Variants in SYNRG observed in about 807,000 individuals in gnomAD.
SYNRG encodes the protein AP1 gamma subunit binding protein 1.
Under a neutral mutation model 130.9 loss-of-function variants are expected in SYNRG, and 37 were observed. The ratio of observed to expected loss-of-function variants is 0.28; its 90% CI spans 0.22 to 0.37. The LOEUF is 0.37. SYNRG is among the 10% of genes least tolerant of loss of function. The probability of loss-of-function intolerance (pLI) is 1.00; values close to 1 mark genes in which losing one functional copy is unlikely to be tolerated. For missense variants in SYNRG, 1,338 were observed against 1,588.9 expected (o/e 0.84, Z 2.68); for synonymous variants, 539 against 568.1 (o/e 0.95, Z 0.73).
chr17:37,542,102 A>C lies in SYNRG; in HGVS notation c.3072T>G (p.Phe1024Leu), dbSNP rs755185890. ...QETPNECSDD[F>L]GEFQSEKPKI... ...TGGGCTTTTCACTTTGAAACTCTCC[A>C]AAGTCATCCGAACATTCGTTCGGGG... is the stretch of plus-strand genomic sequence containing the variant. Residue 1024 changes from phenylalanine (F) to leucine (L), a missense_variant, in exon 15 of 22, where the codon TTT (phenylalanine) becomes TTG (leucine). Coordinates refer to ENST00000612223, the MANE Select transcript of SYNRG (RefSeq NM_007247.6). The C allele has an allele frequency of 1.0e-4, 161 of 1,614,064 alleles. 1 individual carries two copies. The highest frequency in any genetic ancestry group is 1.3e-4 in the Non-Finnish European group (150 of 1,180,044).
intron 13 of SYNRG, among the ~76,000 whole-genome samples, chr17:37,554,433 T>C (rs1364890116): frequency 2.6e-5 from 4 of 152,134 alleles, no homozygotes; most frequent in Non-Finnish European, 4.4e-5. Context: ...TAGAGGTTCT[T>C]GAAGAGAGGC....
chr17:37,534,351 T>C (rs2056987131), intron 19 of SYNRG, among the ~76,000 whole-genome samples: 1 of 152,060 alleles, frequency 6.6e-6, no homozygotes, highest in Non-Finnish European at 1.5e-5. Context: ...TATTTTTTTA[T>C]CTATCTATCT....
At chr17:37,524,455 GGGAA>G (rs1472561056) in intron 19 of SYNRG, among the ~76,000 whole-genome samples, 12 of 152,232 alleles carry the variant, frequency 7.9e-5, no homozygotes, top group African/African-American at 2.9e-4. Context: ...ATCACAGCAG[GGGAA>G]GGAAGAACAC....
At chr17:37,528,993 G>A (rs1299689888) in intron 19 of SYNRG, among the ~76,000 whole-genome samples, 1 of 152,210 alleles carries the variant, frequency 6.6e-6, no homozygotes, top group Admixed American at 6.5e-5. Flanking sequence ...TGGTGTTCAG[G>A]TTCAATTTAC....
Position 37,570,872 on chromosome 17 carries a change from G to A in SYNRG, c.1112C>T (p.Ala371Val). The stretch of plus-strand genomic sequence containing the variant: ...CTGGTTTAAAGCATCAGGACTCATT[G>A]CAGGAACGCCCCTCTACAAATGATA... ...MIAVTQRGVP[A>V]MSPDALNQFP... The change falls in exon 10 of 22, where the codon GCA becomes GTA. Residue 371 changes from alanine (A) to valine (V), a missense_variant. Ala to Val is a moderately conservative substitution (Grantham distance 64). Coordinates refer to ENST00000612223, the MANE Select transcript of SYNRG (RefSeq NM_007247.6). 1 of 1,613,680 alleles carries A rather than the reference G, an allele frequency of 6.2e-7. No homozygotes were observed. The highest frequency in any genetic ancestry group is 1.1e-5 in the South Asian group (1 of 91,042).
intron 6 of SYNRG, among the ~76,000 whole-genome samples, chr17:37,580,724 G>A (rs1259695701): frequency 4.6e-5 from 7 of 152,048 alleles, no homozygotes; most frequent in African/African-American, 1.2e-4. Flanking sequence ...TAGTAGAGAC[G>A]GGGTTTCACC....
intron 6 of SYNRG, among the ~76,000 whole-genome samples, chr17:37,580,502 T>A (rs2061223848): frequency 8.4e-6 from 1 of 118,496 alleles, no homozygotes; most frequent in South Asian, 2.6e-4. Context: ...TGTGTGTGTG[T>A]GTGTGTGTGA....
At chr17:37,545,076 G>A (rs936230730) in intron 14 of SYNRG, among the ~76,000 whole-genome samples, 1 of 151,874 alleles carries the variant, frequency 6.6e-6, no homozygotes, top group Non-Finnish European at 1.5e-5. Context: ...AAAATTAGCT[G>A]GGCATGGTGG....
At chr17:37,590,754 C>G (rs12948355) in intron 3 of SYNRG, among the ~76,000 whole-genome samples, 2 of 152,032 alleles carry the variant, frequency 1.3e-5, no homozygotes, top group Admixed American at 6.5e-5. Flanking sequence ...AACCCCATCT[C>G]TACTAAAATA....
In SYNRG at chr17:37,586,623, A is replaced by G. The variant is rs184917486; in HGVS notation, c.241-74T>C. 157 of 1,546,698 alleles carry G rather than the reference A, an allele frequency of 1.0e-4. No homozygotes were observed. In the African/African-American group the frequency reaches 2.0e-3, roughly 19 times the overall value. On this transcript the variant is annotated intron_variant, in intron 3 of 21. Transcript: ENST00000612223. ...TATCACACACAAAAATGTGACTTCC[A>G]TAAATTCTATCTTAATACTCTTATT...
intron 14 of SYNRG, among the ~76,000 whole-genome samples, chr17:37,547,232 A>G (rs2058353881): frequency 6.6e-6 from 1 of 152,216 alleles, no homozygotes; most frequent in Admixed American, 6.5e-5. Context: ...CAAAAAAGAA[A>G]ACTGGAAATC....
intron 4 of SYNRG, 126 bp from the exon 5 acceptor site, chr17:37,585,556 T>C: frequency 1.6e-6 from 1 of 634,600 alleles, no homozygotes; most frequent in Non-Finnish European, 2.7e-6. Context: ...CATTGCTAAA[T>C]ATCTAGTTTT....
intron 13 of SYNRG, chr17:37,557,210 T>C (rs1004953933): frequency 1.3e-5 from 2 of 152,214 alleles, no homozygotes; most frequent in African/African-American, 4.8e-5. Flanking sequence ...TTTGCTAAAA[T>C]TTCAATAAAA....
intron 15 of SYNRG, chr17:37,541,662 T>G (rs2057775266): frequency 2.5e-6 from 1 of 402,866 alleles, no homozygotes; most frequent in Non-Finnish European, 4.4e-6. Context: ...GGAGCTAATG[T>G]GCCTACAAGT....
intron 3 of SYNRG, among the ~76,000 whole-genome samples, chr17:37,593,651 G>A (rs1433514425): frequency 1.3e-5 from 2 of 152,096 alleles, no homozygotes; most frequent in Admixed American, 6.5e-5. Context: ...TCGGGAGGCC[G>A]AGGCAGGCAG....
chr17:37,524,557 G>A (rs1195896345), intron 19 of SYNRG, among the ~76,000 whole-genome samples: 1 of 152,246 alleles, frequency 6.6e-6, no homozygotes, highest in Non-Finnish European at 1.5e-5. Flanking sequence ...AACTTACATG[G>A]CCTTAGCCAA....
chr17:37,543,493 T>C (rs1167906404), intron 14 of SYNRG, among the ~76,000 whole-genome samples: 1 of 152,232 alleles, frequency 6.6e-6, no homozygotes, highest in Non-Finnish European at 1.5e-5. Context: ...ACTATTTGTA[T>C]GACACTAGGC....
rs143835970 is a variant in SYNRG, at chr17:37,590,140, C to G, written c.241-3591G>C. On this transcript the variant is annotated intron_variant, in intron 3 of 21. Coordinates refer to ENST00000612223, the MANE Select transcript of SYNRG (RefSeq NM_007247.6). Reference sequence around the variant, plus strand: ...GAGCTGAGATTGCGCCACATTCCAGCCTGGGCGACAGGGCGAGACTCTGTC... The same window carrying G: ...GAGCTGAGATTGCGCCACATTCCAGGCTGGGCGACAGGGCGAGACTCTGTC... Among the ~76,000 whole-genome samples, 399 of 151,092 alleles carry G rather than the reference C, an allele frequency of 2.6e-3. 2 individuals are homozygous for G. The highest frequency in any genetic ancestry group is 9.4e-3 in the African/African-American group (385 of 41,046).
Position 37,586,580 on chromosome 17 carries a change from A to C in SYNRG, c.241-31T>G, listed in dbSNP as rs770822243. 3 of 1,612,864 alleles carry C rather than the reference A, an allele frequency of 1.9e-6. No individual in the cohort carries two copies. In the African/African-American group the frequency reaches 4.0e-5, roughly 22 times the overall value. ...AGAAACAGACAAAGGCTTAAAAAAC[A>C]CAATTTATCCCTTTAATTATCACAC... On this transcript the variant is annotated intron_variant, in intron 3 of 21. Coordinates refer to ENST00000612223, the MANE Select transcript of SYNRG (RefSeq NM_007247.6).
Sources: allele counts gnomAD v4.1 joint callset (sites outside exome capture counted in the v4.1 genomes callset), GRCh38; gene constraint gnomAD v4.1.1; transcripts MANE v1.5; gene names NCBI Gene and HGNC (gene_info 2026-07-23, HGNC 2026-07-21).